Variants in DNMT3A observed in about 807,000 individuals in gnomAD.
DNMT3A encodes DNA (cytosine-5)-methyltransferase 3A.
In DNMT3A, 267 loss-of-function variants were observed where a neutral mutation model predicts 117.6. The observed-to-expected ratio is 2.27, with a 90% CI of 2.05 to 2.51. The LOEUF is 2.51. DNMT3A is among the 30% of genes most tolerant of loss of function. DNMT3A has a pLI of 0.00. For missense variants in DNMT3A, 1,029 were observed against 1,260.2 expected (o/e 0.82, Z 2.78); for synonymous variants, 432 against 474.8 (o/e 0.91, Z 1.17).
chr2:25,244,003 G>A (rs753278973), intron 15 of DNMT3A, 21 bp from the exon 16 acceptor site: 5 of 1,550,608 alleles, frequency 3.2e-6, no homozygotes, highest in South Asian at 2.4e-5. Context: ...AGCACAACAG[G>A]TCAGATGCAG....
At chr2:25,241,428 G>A in intron 17 of DNMT3A, 134 bp downstream of exon 17, 1 of 1,241,476 alleles carries the variant, frequency 8.1e-7, no homozygotes, top group Non-Finnish European at 1.1e-6. Flanking sequence ...TGGAAGATAA[G>A]GAGAAAAAGA....
At chr2:25,289,410 A>G (rs1008569228) in intron 3 of DNMT3A, among the ~76,000 whole-genome samples, 4 of 152,058 alleles carry the variant, frequency 2.6e-5, no homozygotes, top group African/African-American at 9.7e-5. Flanking sequence ...AATCTTATTT[A>G]ACTTTGTAGG....
At chr2:25,250,969 A>G (rs1474159281) in intron 6 of DNMT3A, among the ~76,000 whole-genome samples, 1 of 152,144 alleles carries the variant, frequency 6.6e-6, no homozygotes, top group Non-Finnish European at 1.5e-5. Flanking sequence ...CAGCCCCTTC[A>G]CAGCGAGTTC....
intron 19 of DNMT3A, among the ~76,000 whole-genome samples, chr2:25,239,999 C>G (rs774765465): frequency 6.6e-6 from 1 of 152,174 alleles, no homozygotes; most frequent in African/African-American, 2.4e-5. Flanking sequence ...GTAACAAACA[C>G]CATACAGAAT....
At chr2:25,272,134 C>A (rs1425121064) in intron 6 of DNMT3A, among the ~76,000 whole-genome samples, 1 of 152,094 alleles carries the variant, frequency 6.6e-6, no homozygotes, top group Non-Finnish European at 1.5e-5. Context: ...TTACAGGTGC[C>A]CGCCACTATG....
At chr2:25,328,781 G>A in intron 1 of DNMT3A, 1 of 462,140 alleles carries the variant, frequency 2.2e-6, no homozygotes, top group Non-Finnish European at 4.6e-6. Flanking sequence ...AAGGCTGTTT[G>A]CAGGAGCTCC....
At chr2:25,318,849 C>T (rs1160387938) in intron 1 of DNMT3A, among the ~76,000 whole-genome samples, 4 of 140,330 alleles carry the variant, frequency 2.9e-5, no homozygotes, top group African/African-American at 1.0e-4. Flanking sequence ...AGGCGCCCAC[C>T]ACCATGCCTG....
chr2:25,265,771 A>G (rs2030278654), intron 6 of DNMT3A, among the ~76,000 whole-genome samples: 1 of 151,880 alleles, frequency 6.6e-6, no homozygotes. Context: ...GTGAGCTGAG[A>G]TCATGCCACT....
At chr2:25,291,762 G>C (rs866446048) in intron 3 of DNMT3A, among the ~76,000 whole-genome samples, 1 of 152,264 alleles carries the variant, frequency 6.6e-6, no homozygotes, top group Non-Finnish European at 1.5e-5. Context: ...AAGCCTTAGA[G>C]GTCACTCAGT....
intron 2 of DNMT3A, among the ~76,000 whole-genome samples, chr2:25,309,450 G>A (rs1558731117): frequency 6.6e-6 from 1 of 152,136 alleles, no homozygotes; most frequent in African/African-American, 2.4e-5. Context: ...GAGATGAAGT[G>A]CCCCCAACTT....
intron 3 of DNMT3A, among the ~76,000 whole-genome samples, chr2:25,290,156 A>AT (rs920942545): frequency 7.2e-4 from 108 of 150,214 alleles, no homozygotes; most frequent in Non-Finnish European, 1.2e-3. Context: ...ATTAAAAAAA[A>AT]TTTTTTTTTT....
rs2034100665 is a variant in DNMT3A, at chr2:25,311,241, CCTT to C, written c.72+2669_72+2671del. On this transcript the variant is annotated intron_variant, in intron 2 of 22. Coordinates refer to ENST00000321117, the MANE Select transcript of DNMT3A (RefSeq NM_022552.5). This position sits in a 1 kb window ranked among gnomAD's most constrained non-coding sequence, Gnocchi z 5.2. ...CTTCCATCTGGCTTGCCAAACAGTTCCTTTGTGCACAGTGCCCCTGGCACCTGT... is the reference window on the plus strand; with the variant it reads ...CTTCCATCTGGCTTGCCAAACAGTTCTGTGCACAGTGCCCCTGGCACCTGT... Among the ~76,000 whole-genome samples, 2 of 152,218 alleles carry C rather than the reference CCTT, an allele frequency of 1.3e-5. No homozygotes were observed. Among genetic ancestry groups the C allele is most frequent in the Non-Finnish European group, 2.9e-5 (2 of 68,032 alleles).
In DNMT3A at chr2:25,248,113, G is replaced by A; in HGVS notation, c.779C>T (p.Thr260Ile). ...PTDPASPTVA[T>I]TPEPVGSDAG... ...ATCGGACCCCACGGGCTCAGGCGTGGTAGCCACAGTGGGGGATGCGGGGTC... is the reference window on the plus strand; with the variant it reads ...ATCGGACCCCACGGGCTCAGGCGTGATAGCCACAGTGGGGGATGCGGGGTC... The change falls in exon 7 of 23, where the codon ACC (threonine) becomes ATC (isoleucine). Residue 260 changes from threonine to isoleucine, a missense_variant. Thr to Ile is a moderately conservative substitution (Grantham distance 89). Coordinates refer to ENST00000321117, the MANE Select transcript of DNMT3A (RefSeq NM_022552.5). 6.2e-7 allele frequency: 1 copy of A among 1,613,602 alleles called. No homozygotes were observed. Among genetic ancestry groups the A allele is most frequent in the Non-Finnish European group, 8.5e-7 (1 of 1,179,978 alleles).
At position 25,239,218 on chromosome 2, in the gene DNMT3A, A is replaced by C; in HGVS notation, c.2323-3T>G. 1 of 1,613,686 alleles carries C rather than the reference A, an allele frequency of 6.2e-7. No homozygotes were observed. ...GCATCAATCATCACAGGGTTGGACT[A>C]CAAAACAGGAGACGGTTTGAAGATG... On this transcript the variant is annotated splice_polypyrimidine_tract_variant and splice_region_variant and intron_variant, in intron 19 of 22. Coordinates refer to ENST00000321117, the MANE Select transcript of DNMT3A (RefSeq NM_022552.5).
intron 4 of DNMT3A, among the ~76,000 whole-genome samples, chr2:25,278,187 G>A (rs2031614317): frequency 6.6e-6 from 1 of 152,250 alleles, no homozygotes; most frequent in Non-Finnish European, 1.5e-5. Flanking sequence ...CCAGGTGGTT[G>A]TGACCTTCCA....
chr2:25,307,257 C>A (rs1215003081), intron 2 of DNMT3A, among the ~76,000 whole-genome samples: 1 of 152,220 alleles, frequency 6.6e-6, no homozygotes, highest in African/African-American at 2.4e-5. Context: ...GACTCCTGTG[C>A]CAAGCCCAGG....
intron 6 of DNMT3A, among the ~76,000 whole-genome samples, chr2:25,264,550 C>G (rs1449392888): frequency 1.3e-5 from 2 of 151,862 alleles, no homozygotes; most frequent in Non-Finnish European, 2.9e-5. Flanking sequence ...TCACTGCAAG[C>G]TCCGCCTCCC....
In DNMT3A at chr2:25,236,566, G is replaced by A. The variant is rs779724885; in HGVS notation, c.2478+370C>T. On this transcript the variant is annotated intron_variant, in intron 21 of 22. Coordinates refer to ENST00000321117, the MANE Select transcript of DNMT3A (RefSeq NM_022552.5). The surrounding 1 kb of genome is among the most constrained non-coding windows in gnomAD (Gnocchi z 4.5). ...ACCCAGTGCCCCAGGTAGTCACTCC[G>A]GGAGATTCCAGCTCCAGAGAGAAAT... 5.3e-5 allele frequency among the ~76,000 whole-genome samples: 8 copies of A among 152,198 alleles called. No homozygotes were observed. The highest frequency in any genetic ancestry group is 1.9e-4 in the East Asian group (1 of 5,198).
chr2:25,300,688 T>C lies in DNMT3A; in HGVS notation c.73-445A>G, dbSNP rs1369893124. Among the ~76,000 whole-genome samples, 131 of 80,084 alleles carry C rather than the reference T, an allele frequency of 1.6e-3. 7 individuals carry two copies. The highest frequency in any genetic ancestry group is 2.8e-3 in the Non-Finnish European group (115 of 41,350). 52.5% of individuals were successfully genotyped at this position (80,084 alleles called of 152,430 possible). A position where few individuals can be genotyped will look rare whatever the true frequency, so the allele number is the denominator to read the frequency against. On this transcript the variant is annotated intron_variant, in intron 2 of 22. Coordinates refer to ENST00000321117, the MANE Select transcript of DNMT3A (RefSeq NM_022552.5). ...TATTATTTAGATATATATTTAGATATATATTTATATATCTAAATAATATAA... is the reference window on the plus strand; with the variant it reads ...TATTATTTAGATATATATTTAGATACATATTTATATATCTAAATAATATAA...
Sources: allele counts gnomAD v4.1 joint callset (sites outside exome capture counted in the v4.1 genomes callset), GRCh38; gene constraint gnomAD v4.1.1; non-coding constraint Gnocchi (gnomAD v3.1); transcripts MANE v1.5; gene names NCBI Gene and HGNC (gene_info 2026-07-23, HGNC 2026-07-21).